Variants in TMCO5A observed in about 807,000 individuals in gnomAD.
TMCO5A encodes the protein transmembrane and coiled-coil domain-containing protein 5A.
A neutral mutation model predicts 42.3 loss-of-function variants in TMCO5A; 34 were observed. That is an observed-to-expected ratio of 0.80 (90% CI 0.61 to 1.07). The LOEUF is 1.07. Ranked by LOEUF, TMCO5A falls within the 50% of genes least tolerant of loss-of-function variation. TMCO5A has a pLI of 0.00. For synonymous variants in TMCO5A, 131 were observed against 115.6 expected (o/e 1.13, Z -0.86); for missense variants, 357 against 327.9 (o/e 1.09, Z -0.69).
At chr15:37,962,959 C>G (rs1248127376) in intron 11 of TMCO5A, among the ~76,000 whole-genome samples, 1 of 151,930 alleles carries the variant, frequency 6.6e-6, no homozygotes, top group African/African-American at 2.4e-5. Context: ...TGCTAATGAG[C>G]TATCAATTTT....
the TMCO5A span, among the ~76,000 whole-genome samples, chr15:37,983,495 G>A: frequency 6.6e-6 from 1 of 152,160 alleles, no homozygotes. Context: ...CCCAAGGTAG[G>A]GGAAAGTTCA....
chr15:37,941,043 A>G, intron 6 of TMCO5A, 106 bp from the exon 7 acceptor site: 6 of 978,824 alleles, frequency 6.1e-6, no homozygotes, highest in Non-Finnish European at 9.7e-6. Flanking sequence ...GTGTGAAGTC[A>G]TGGCCCTGAG....
the TMCO5A span, among the ~76,000 whole-genome samples, chr15:38,034,094 G>T: frequency 6.6e-6 from 1 of 152,168 alleles, no homozygotes; most frequent in Non-Finnish European, 1.5e-5. Flanking sequence ...ATGGTGCCTT[G>T]TTGCTGCATA....
chr15:38,038,428 G>A, the TMCO5A span, among the ~76,000 whole-genome samples: 4 of 148,574 alleles, frequency 2.7e-5, no homozygotes, highest in African/African-American at 5.0e-5. Context: ...TTTTTGAGAC[G>A]GAGTCTCGCT....
the TMCO5A span, among the ~76,000 whole-genome samples, chr15:37,975,376 C>T: frequency 6.6e-6 from 1 of 151,594 alleles, no homozygotes; most frequent in Non-Finnish European, 1.5e-5. Flanking sequence ...ATCTAAGTCT[C>T]TTTGTAGGTC....
chr15:37,941,044 T>C, intron 6 of TMCO5A, 105 bp from the exon 7 acceptor site: 1 of 988,864 alleles, frequency 1.0e-6, no homozygotes, highest in Non-Finnish European at 1.6e-6. Context: ...TGTGAAGTCA[T>C]GGCCCTGAGG....
chr15:37,936,942 A>G lies in TMCO5A; in HGVS notation c.236A>G (p.Gln79Arg). The G allele has an allele frequency of 6.2e-7, 1 of 1,612,474 alleles. No homozygotes were observed. The highest frequency in any genetic ancestry group is 1.1e-5 in the South Asian group (1 of 91,040). ...RTTMERERAL[Q>R]ELEEETARLE... ...ACGATGGAAAGGGAAAGAGCCTTGC[A>G]GGAGCTGGAGGAAGAAACAGCCAGA... is the stretch of plus-strand genomic sequence containing the variant. The change falls in exon 4 of 12, where the codon CAG (glutamine) becomes CGG (arginine). Residue 79 changes from glutamine to arginine, a missense_variant. Transcript: ENST00000319669.
chr15:37,960,145 T>G (rs1488217612), intron 11 of TMCO5A, among the ~76,000 whole-genome samples: 1 of 151,566 alleles, frequency 6.6e-6, no homozygotes, highest in African/African-American at 2.4e-5. Context: ...GCAGTCTTTT[T>G]TAAAATATTT....
intron 11 of TMCO5A, among the ~76,000 whole-genome samples, chr15:37,949,222 A>G (rs1342673737): frequency 6.6e-6 from 1 of 152,208 alleles, no homozygotes; most frequent in African/African-American, 2.4e-5. Flanking sequence ...TGAATGAAAG[A>G]AAATAACATA....
At chr15:38,010,958 G>C in the TMCO5A span, among the ~76,000 whole-genome samples, 4 of 152,126 alleles carry the variant, frequency 2.6e-5, no homozygotes, top group Non-Finnish European at 5.9e-5. Context: ...TGTCAGCCAG[G>C]CTGGTCTCAA....
chr15:38,002,208 G>T, the TMCO5A span, among the ~76,000 whole-genome samples: 2 of 145,188 alleles, frequency 1.4e-5, no homozygotes, highest in African/African-American at 2.5e-5. Context: ...AGGATAAAAG[G>T]TTTTTTTTTT....
At position 37,957,992 on chromosome 15, in the gene TMCO5A, G is replaced by C. The variant is rs529292010; in HGVS notation, c.669-8633G>C. ...CTGACAAAAACAAGCAATGGGGAAA[G>C]GATTCCCTATTTAATAAATGGTGTT... On this transcript the variant is annotated intron_variant, in intron 11 of 11. Transcript: ENST00000559502. Among the ~76,000 whole-genome samples, 14 of 152,248 alleles carry C rather than the reference G, an allele frequency of 9.2e-5. No homozygotes were observed. In the East Asian group the frequency reaches 1.9e-3, roughly 21 times the overall value.
downstream of TMCO5A, among the ~76,000 whole-genome samples, chr15:37,969,228 C>A (rs1421642978): frequency 2.0e-5 from 3 of 152,156 alleles, no homozygotes; most frequent in Non-Finnish European, 2.9e-5. Context: ...TTAGCAAAGC[C>A]ATTCTTTACT....
intron 9 of TMCO5A, chr15:37,943,137 A>G (rs1889810927): frequency 1.4e-5 from 6 of 440,234 alleles, no homozygotes; most frequent in Non-Finnish European, 2.4e-5. Context: ...AACTAACTAC[A>G]TATGGCAATT....
chr15:37,950,325 G>A (rs1182359979), intron 11 of TMCO5A, among the ~76,000 whole-genome samples: 1 of 152,094 alleles, frequency 6.6e-6, no homozygotes, highest in Admixed American at 6.6e-5. Flanking sequence ...GACACAGAAA[G>A]CATCGATCCT....
intron 6 of TMCO5A, among the ~76,000 whole-genome samples, chr15:37,939,829 A>G (rs1339117405): frequency 1.3e-5 from 2 of 152,024 alleles, no homozygotes; most frequent in South Asian, 2.1e-4. Context: ...GCTTGAAACT[A>G]TATATCCCTT....
the TMCO5A span, among the ~76,000 whole-genome samples, chr15:38,010,382 C>CAAAA: frequency 5.4e-5 from 2 of 37,066 alleles, no homozygotes; most frequent in East Asian, 5.3e-4. Flanking sequence ...GACTCCGTCT[C>CAAAA]CAAAAAAAAA....
At chr15:37,953,919 T>C (rs1890222755), downstream of TMCO5A, among the ~76,000 whole-genome samples, 1 of 151,870 alleles carries the variant, frequency 6.6e-6, no homozygotes, top group East Asian at 1.9e-4. Flanking sequence ...TTTAGCATAA[T>C]GAAGAATACA....
intron 11 of TMCO5A, 73 bp downstream of exon 11, chr15:37,947,769 AG>A: frequency 2.0e-6 from 2 of 1,004,972 alleles, no homozygotes; most frequent in Non-Finnish European, 3.1e-6. Flanking sequence ...CAGAGGGAAA[AG>A]TCTAGACAAG....
Sources: gnomAD v4.1 joint callset for allele counts (sites outside exome capture counted in the v4.1 genomes callset) on GRCh38, gnomAD v4.1.1 for gene constraint, MANE v1.5 for transcripts, NCBI Gene and HGNC (gene_info 2026-07-23, HGNC 2026-07-21) for gene names.